The following GALNT13 variants were observed in gnomAD, a reference collection of about 807,000 sequenced individuals.
GALNT13 encodes UDP-GalNAc:polypeptide N-acetylgalactosaminyltransferase 13.
A neutral mutation model predicts 64.2 loss-of-function variants in GALNT13; 28 were observed. The observed-to-expected ratio is 0.44, with a 90% CI of 0.32 to 0.60. The LOEUF (loss-of-function observed/expected upper bound fraction) is 0.60, where lower values mean the gene tolerates loss of function less well. Ranked by LOEUF, GALNT13 falls within the 20% of genes least tolerant of loss-of-function variation. The probability of loss-of-function intolerance (pLI) is 0.05; values close to 1 mark genes in which losing one functional copy is unlikely to be tolerated. For synonymous variants in GALNT13, 214 were observed against 224.6 expected (o/e 0.95, Z 0.42); for missense variants, 577 against 669.8 (o/e 0.86, Z 1.53).
At chr2:153,581,221 C>A in the GALNT13 span, among the ~76,000 whole-genome samples, 2 of 152,046 alleles carry the variant, frequency 1.3e-5, no homozygotes, top group Non-Finnish European at 2.9e-5. Flanking sequence ...AGACTGACAC[C>A]TGAGTTATAA....
the GALNT13 span, among the ~76,000 whole-genome samples, chr2:153,662,179 C>T: frequency 4.3e-3 from 662 of 152,210 alleles, 9 homozygotes; most frequent in African/African-American, 0.015. Flanking sequence ...GGGGGCATCC[C>T]ACACCAAAAG....
At chr2:153,588,109 C>A in the GALNT13 span, among the ~76,000 whole-genome samples, 2 of 152,204 alleles carry the variant, frequency 1.3e-5, no homozygotes, top group Non-Finnish European at 2.9e-5. Context: ...GACAGCTCTG[C>A]CCCTGTGGCT....
chr2:153,446,547 CA>C, the GALNT13 span, among the ~76,000 whole-genome samples: 2 of 152,192 alleles, frequency 1.3e-5, no homozygotes, highest in Admixed American at 6.5e-5. Context: ...TATTTGGAAG[CA>C]GCAGCTCTGA....
At chr2:153,946,341 T>A (rs182895502) in intron 3 of GALNT13, among the ~76,000 whole-genome samples, 8 of 152,268 alleles carry the variant, frequency 5.3e-5, no homozygotes, top group Non-Finnish European at 8.8e-5. Flanking sequence ...TCTCAAAATG[T>A]GAAATTTAAC....
chr2:153,612,525 CA>C, the GALNT13 span, among the ~76,000 whole-genome samples: 4 of 151,708 alleles, frequency 2.6e-5, no homozygotes, highest in Middle Eastern at 6.4e-3. Flanking sequence ...ATGGAAACAA[CA>C]AAATCGAAAG....
chr2:153,915,373 G>T (rs1689258103), intron 2 of GALNT13, among the ~76,000 whole-genome samples: 1 of 152,130 alleles, frequency 6.6e-6, no homozygotes. Context: ...GTTTATGAAT[G>T]AACACATGTT....
At chr2:153,197,186 T>C in the GALNT13 span, among the ~76,000 whole-genome samples, 3 of 152,190 alleles carry the variant, frequency 2.0e-5, no homozygotes, top group Admixed American at 1.3e-4. Flanking sequence ...CTGAATGGCA[T>C]GCTTGTGTGC....
At chr2:153,935,263 G>A (rs984044790) in intron 2 of GALNT13, among the ~76,000 whole-genome samples, 1 of 152,150 alleles carries the variant, frequency 6.6e-6, no homozygotes, top group African/African-American at 2.4e-5. Context: ...ACATAGAACT[G>A]CTTATCTTTG....
chr2:154,062,215 G>A (rs1305982866), intron 3 of GALNT13, among the ~76,000 whole-genome samples: 4 of 152,078 alleles, frequency 2.6e-5, no homozygotes, highest in African/African-American at 9.7e-5. Context: ...GAAATGATGT[G>A]TCATTCCTAT....
the GALNT13 span, chr2:153,187,616 A>G: frequency 4.6e-5 from 7 of 152,164 alleles, no homozygotes; most frequent in Non-Finnish European, 8.8e-5. Flanking sequence ...CTCCTATTCT[A>G]TAATCTTGTT....
At chr2:153,256,631 A>G in the GALNT13 span, among the ~76,000 whole-genome samples, 1 of 152,160 alleles carries the variant, frequency 6.6e-6, no homozygotes, top group Non-Finnish European at 1.5e-5. Flanking sequence ...ATGGTGATGT[A>G]CAGATGGGAT....
chr2:153,113,508 G>A, the GALNT13 span, among the ~76,000 whole-genome samples: 4 of 151,874 alleles, frequency 2.6e-5, no homozygotes, highest in Non-Finnish European at 4.4e-5. Context: ...TTTCATATGT[G>A]CTTAGGGAAG....
intron 4 of GALNT13, among the ~76,000 whole-genome samples, chr2:154,178,330 A>G (rs973344904): frequency 1.3e-5 from 2 of 150,334 alleles, no homozygotes; most frequent in African/African-American, 4.9e-5. Flanking sequence ...AAGAAATGTT[A>G]TCTAAAACAT....
the GALNT13 span, among the ~76,000 whole-genome samples, chr2:153,529,108 CA>C: frequency 1.3e-5 from 2 of 151,196 alleles, no homozygotes; most frequent in African/African-American, 2.4e-5. Flanking sequence ...ATGAAGAAAA[CA>C]ATACAAAAAT....
intron 4 of GALNT13, among the ~76,000 whole-genome samples, chr2:154,157,265 C>G (rs1490334901): frequency 6.6e-6 from 1 of 152,118 alleles, no homozygotes; most frequent in Non-Finnish European, 1.5e-5. Flanking sequence ...TCTGCTTTCT[C>G]CACTGTTACT....
chr2:153,774,406 T>C, the GALNT13 span, among the ~76,000 whole-genome samples: 1 of 152,108 alleles, frequency 6.6e-6, no homozygotes, highest in Non-Finnish European at 1.5e-5. Context: ...GCATTGCAAT[T>C]ATGAAAAAAG....
chr2:154,239,274 C>T (rs918356804), intron 4 of GALNT13, among the ~76,000 whole-genome samples: 6 of 151,924 alleles, frequency 3.9e-5, no homozygotes, highest in East Asian at 3.9e-4. Flanking sequence ...GTTGGCATTT[C>T]GTGTAACATA....
the GALNT13 span, among the ~76,000 whole-genome samples, chr2:153,788,644 G>C: frequency 6.6e-6 from 1 of 152,028 alleles, no homozygotes; most frequent in Admixed American, 6.6e-5. Context: ...CCAATTAATA[G>C]GTAGAGAATG....
At chr2:153,846,265 A>G in the GALNT13 span, among the ~76,000 whole-genome samples, 11 of 152,282 alleles carry the variant, frequency 7.2e-5, no homozygotes, top group East Asian at 2.1e-3. Flanking sequence ...CTGGTGTTTA[A>G]ATATATGTAG....
Sources: allele counts gnomAD v4.1 joint callset (sites outside exome capture counted in the v4.1 genomes callset), GRCh38; gene constraint gnomAD v4.1.1; transcripts MANE v1.5; gene names NCBI Gene and HGNC (gene_info 2026-07-23, HGNC 2026-07-21).